Variants in SMARCC1 observed in about 807,000 individuals in gnomAD.
The protein encoded by SMARCC1 is SWI/SNF complex subunit SMARCC1.
In SMARCC1, 43 loss-of-function variants were observed where a neutral mutation model predicts 147.4. The ratio of observed to expected loss-of-function variants is 0.29; its 90% CI spans 0.23 to 0.38. The LOEUF (loss-of-function observed/expected upper bound fraction) is 0.38, where lower values mean the gene tolerates loss of function less well. SMARCC1 is among the 10% of genes least tolerant of loss of function. The pLI, the probability that SMARCC1 is intolerant of heterozygous loss-of-function variation, is 1.00. For missense variants in SMARCC1, 1,119 were observed against 1,381.1 expected (o/e 0.81, Z 3.01); for synonymous variants, 495 against 484.4 (o/e 1.02, Z -0.29).
At chr3:47,608,720 G>A (rs2032517243) in intron 26 of SMARCC1, among the ~76,000 whole-genome samples, 1 of 151,940 alleles carries the variant, frequency 6.6e-6, no homozygotes, top group Non-Finnish European at 1.5e-5. Context: ...GTGGTGGCAT[G>A]CACCTGTAGT....
In SMARCC1 at chr3:47,587,608, T is replaced by C. The variant is rs1397853186; in HGVS notation, c.*601A>G. ...TGAGGTTCTCCTTCCACATCTCGTT[T>C]AATTTTCACAAATTTGTGTGTGGCA... is the stretch of plus-strand genomic sequence containing the variant. On this transcript the variant is annotated 3_prime_UTR_variant, in exon 28 of 28. Coordinates refer to ENST00000254480, the MANE Select transcript of SMARCC1 (RefSeq NM_003074.4). 6.5e-6 allele frequency: 1 copy of C among 152,876 alleles called. No homozygotes were observed. The highest frequency in any genetic ancestry group is 1.9e-4 in the East Asian group (1 of 5,196). 9.5% of individuals were successfully genotyped at this position (152,876 alleles called of 1,614,324 possible).
intron 26 of SMARCC1, among the ~76,000 whole-genome samples, chr3:47,609,152 T>C (rs1389701838): frequency 6.6e-6 from 1 of 152,186 alleles, no homozygotes; most frequent in Non-Finnish European, 1.5e-5. Flanking sequence ...TAACAAATGA[T>C]ATTAGGAATT....
At chr3:47,751,358 T>A (rs1224611483) in intron 2 of SMARCC1, among the ~76,000 whole-genome samples, 1 of 151,652 alleles carries the variant, frequency 6.6e-6, no homozygotes, top group African/African-American at 2.4e-5. Flanking sequence ...CTGGCCAATA[T>A]GGGGAAACCC....
chr3:47,690,144 C>T (rs1397970813), intron 12 of SMARCC1, among the ~76,000 whole-genome samples: 1 of 151,902 alleles, frequency 6.6e-6, no homozygotes, highest in African/African-American at 2.4e-5. Context: ...TCACTCAAGG[C>T]AAGGAGTAGA....
intron 1 of SMARCC1, among the ~76,000 whole-genome samples, chr3:47,780,172 T>G (rs978441749): frequency 7.5e-6 from 1 of 134,194 alleles, no homozygotes; most frequent in Non-Finnish European, 1.6e-5. Flanking sequence ...TTTTTTGTTT[T>G]TTTTTTTTTT....
intron 24 of SMARCC1, among the ~76,000 whole-genome samples, chr3:47,631,370 G>A (rs2032888241): frequency 6.6e-6 from 1 of 152,176 alleles, no homozygotes; most frequent in Non-Finnish European, 1.5e-5. Flanking sequence ...TTAAGAAAAT[G>A]TGATCTCTGC....
chr3:47,660,582 G>C (rs1484593842), intron 21 of SMARCC1, among the ~76,000 whole-genome samples: 1 of 152,026 alleles, frequency 6.6e-6, no homozygotes, highest in Non-Finnish European at 1.5e-5. Flanking sequence ...CTACAGCATG[G>C]AAGAACCTTG....
At chr3:47,595,264 A>G (rs2106643800) in intron 26 of SMARCC1, among the ~76,000 whole-genome samples, 1 of 152,316 alleles carries the variant, frequency 6.6e-6, no homozygotes, top group South Asian at 2.1e-4. Flanking sequence ...GCGATGGCTC[A>G]CGCCTGTAAT....
At chr3:47,715,355 A>C (rs1471862383) in intron 7 of SMARCC1, among the ~76,000 whole-genome samples, 1 of 152,184 alleles carries the variant, frequency 6.6e-6, no homozygotes, top group Non-Finnish European at 1.5e-5. Flanking sequence ...TACTCTAGCC[A>C]ATCATTTCCA....
chr3:47,637,781 T>C (rs1257487823), intron 22 of SMARCC1, among the ~76,000 whole-genome samples: 2 of 151,892 alleles, frequency 1.3e-5, no homozygotes, highest in African/African-American at 2.4e-5. Flanking sequence ...TCACCCATCA[T>C]GCATTTACAG....
chr3:47,594,367 C>T (rs1399945003), intron 26 of SMARCC1, among the ~76,000 whole-genome samples: 4 of 152,208 alleles, frequency 2.6e-5, no homozygotes, highest in African/African-American at 7.2e-5. Context: ...GGTCAAATCA[C>T]TTTGGCAAAA....
At chr3:47,671,197 A>AACAAAAAAAAAAAAAAC (rs2033497146) in intron 18 of SMARCC1, among the ~76,000 whole-genome samples, 1 of 62,260 alleles carries the variant, frequency 1.6e-5, no homozygotes, top group African/African-American at 4.5e-5. Context: ...AAAAAAAAAA[A>AACAAAAAAAAAAAAAAC]ACACACACAA....
At chr3:47,689,540 A>G in intron 12 of SMARCC1, 116 bp from the exon 13 acceptor site, 1 of 804,834 alleles carries the variant, frequency 1.2e-6, no homozygotes, top group South Asian at 1.5e-5. Flanking sequence ...GAAATAGTGC[A>G]TTATTAAAGC....
In SMARCC1 at chr3:47,731,766, G is replaced by A. The variant is rs867895532; in HGVS notation, c.577-2672C>T. The stretch of plus-strand genomic sequence containing the variant: ...CCTGAGCAGTAGGTCTCTACAGTGG[G>A]CTTAAAGTATTCAGTAAACCATACT... On this transcript the variant is annotated intron_variant, in intron 5 of 27. Coordinates refer to ENST00000254480, the MANE Select transcript of SMARCC1 (RefSeq NM_003074.4). Among the ~76,000 whole-genome samples, 50 of 152,276 alleles carry A rather than the reference G, an allele frequency of 3.3e-4. 1 individual carries two copies. The highest frequency in any genetic ancestry group is 3.4e-3 in the Middle Eastern group (1 of 294).
At chr3:47,624,823 G>A (rs2032785305) in intron 24 of SMARCC1, among the ~76,000 whole-genome samples, 1 of 151,156 alleles carries the variant, frequency 6.6e-6, no homozygotes, top group South Asian at 2.1e-4. Flanking sequence ...GGGAAGGCGA[G>A]TGGATTACAG....
intron 18 of SMARCC1, among the ~76,000 whole-genome samples, chr3:47,672,147 G>C (rs2033509644): frequency 6.6e-6 from 1 of 152,016 alleles, no homozygotes; most frequent in Non-Finnish European, 1.5e-5. Flanking sequence ...CTACAGTATG[G>C]CTTTGTGAGA....
At chr3:47,718,081 T>C (rs2034180337) in intron 7 of SMARCC1, among the ~76,000 whole-genome samples, 1 of 146,898 alleles carries the variant, frequency 6.8e-6, no homozygotes, top group East Asian at 2.0e-4. Flanking sequence ...GGAGGATCAC[T>C]TGAGCTGTCT....
chr3:47,747,966 C>T (rs1559661756), intron 2 of SMARCC1, among the ~76,000 whole-genome samples: 2 of 150,766 alleles, frequency 1.3e-5, no homozygotes, highest in Admixed American at 6.6e-5. Context: ...GCCACCAGCA[C>T]GGCCAACATG....
In SMARCC1 at chr3:47,747,421, A is replaced by T. The variant is rs111776049; in HGVS notation, c.316-1428T>A. 8.0e-3 allele frequency among the ~76,000 whole-genome samples: 1,186 copies of T among 148,244 alleles called. 9 individuals carry two copies. Among genetic ancestry groups the T allele is most frequent in the Non-Finnish European group, 0.011 (751 of 66,992 alleles). On this transcript the variant is annotated intron_variant, in intron 2 of 27. Transcript: ENST00000254480. ...CACTATACTCTAGCCTGGGCAATAA[A>T]ACCAGAATTTGTCTCAAAAAAATAT...
Sources: allele counts gnomAD v4.1 joint callset (sites outside exome capture counted in the v4.1 genomes callset), GRCh38; gene constraint gnomAD v4.1.1; transcripts MANE v1.5; gene names NCBI Gene and HGNC (gene_info 2026-07-23, HGNC 2026-07-21).